The following HADHA variants were observed in gnomAD, a reference collection of about 807,000 sequenced individuals.
HADHA encodes trifunctional enzyme subunit alpha, mitochondrial.
In HADHA, 59 loss-of-function variants were observed where a neutral mutation model predicts 91.3. That is an observed-to-expected ratio of 0.65 (90% CI 0.52 to 0.80). The LOEUF is 0.80. Ranked by LOEUF, HADHA falls within the 30% of genes least tolerant of loss-of-function variation. The pLI is 0.00. For missense variants in HADHA, 800 were observed against 927.6 expected, an observed-to-expected ratio of 0.86 and a Z score of 1.79; for synonymous variants, 320 against 338.9, an observed-to-expected ratio of 0.94 and a Z score of 0.61.
In HADHA at chr2:26,236,950, T is replaced by G. The variant is rs1360553047; in HGVS notation, c.219A>C (p.Ser73=). The change falls in exon 4 of 20, where the codon TCA becomes TCC. Residue 73 remains serine, a synonymous_variant. Transcript: ENST00000380649. ...TLSKELHSEF[S]EVMNEIWASD... is the part of the protein sequence containing the mutation. ...TAGCCCAGATTTCATTCATAACTTCTGAGAACTCTGAATGTAGCTCTTTAC... is the reference window on the plus strand; with the variant it reads ...TAGCCCAGATTTCATTCATAACTTCGGAGAACTCTGAATGTAGCTCTTTAC... The G allele has an allele frequency of 6.2e-7, 1 of 1,605,196 alleles. No individual in the cohort carries two copies. Among genetic ancestry groups the G allele is most frequent in the Admixed American group, 1.7e-5 (1 of 60,012 alleles).
chr2:26,216,317 A>AT (rs11406704), intron 7 of HADHA, among the ~76,000 whole-genome samples: 78,139 of 110,180 alleles, frequency 0.71, 28,765 homozygotes, highest in Non-Finnish European at 0.77. Context: ...CATTTGACCT[A>AT]TTTTTTTTTT....
chr2:26,193,412 T>C (rs928438006), intron 17 of HADHA, among the ~76,000 whole-genome samples, 165 bp downstream of exon 17: 1 of 151,466 alleles, frequency 6.6e-6, no homozygotes, highest in South Asian at 2.1e-4. Context: ...CATAAGTGGT[T>C]GCTACCGCAC....
At chr2:26,194,177 C>T (rs1450143470) in intron 16 of HADHA, among the ~76,000 whole-genome samples, 2 of 152,200 alleles carry the variant, frequency 1.3e-5, no homozygotes, top group Non-Finnish European at 2.9e-5. Context: ...GATCCCTCTC[C>T]TTTCCTGCCA....
At chr2:26,211,646 G>A (rs1230154841) in intron 10 of HADHA, among the ~76,000 whole-genome samples, 2 of 152,136 alleles carry the variant, frequency 1.3e-5, no homozygotes, top group Admixed American at 6.5e-5. Context: ...AATCTGAAAT[G>A]TTTCTAGTCC....
In HADHA at chr2:26,232,279, C is replaced by G. The variant is rs776259968; in HGVS notation, c.454G>C (p.Val152Leu). 1 of 1,595,318 alleles carries G rather than the reference C, an allele frequency of 6.3e-7. No individual in the cohort carries two copies. Among genetic ancestry groups the G allele is most frequent in the Non-Finnish European group, 8.6e-7 (1 of 1,163,094 alleles). Residue 152 changes from valine (V) to leucine (L), a missense_variant and splice_region_variant, in exon 6 of 20, where the codon GTT (valine) becomes CTT (leucine). Coordinates refer to ENST00000380649, the MANE Select transcript of HADHA (RefSeq NM_000182.5). The part of the protein sequence containing the change: ...NGSCLGGGLE[V>L]AISCQYRIAT... Reference sequence around the variant, plus strand: ...ATTCTGTATTGGCATGAAATGGCAACCTTTGAACAAATGAAAGAAAATTAG... The same window carrying G: ...ATTCTGTATTGGCATGAAATGGCAAGCTTTGAACAAATGAAAGAAAATTAG...
chr2:26,232,733 CTTAA>C (rs1670652103), intron 5 of HADHA, among the ~76,000 whole-genome samples: 1 of 152,118 alleles, frequency 6.6e-6, no homozygotes, highest in South Asian at 2.1e-4. Flanking sequence ...CACAGGTTTT[CTTAA>C]TTAATATAGT....
intron 13 of HADHA, 105 bp from the exon 14 acceptor site, chr2:26,197,882 C>G (rs1669721270): frequency 6.7e-6 from 5 of 750,156 alleles, no homozygotes; most frequent in Admixed American, 1.8e-5. Context: ...ACTCTGTCCC[C>G]CACAACTGCT....
intron 11 of HADHA, among the ~76,000 whole-genome samples, chr2:26,205,923 A>G (rs1296122996): frequency 2.0e-5 from 3 of 152,184 alleles, no homozygotes; most frequent in Middle Eastern, 6.3e-3. Flanking sequence ...GAACATGCAT[A>G]TATCAATTTA....
At chr2:26,234,393 T>C (rs756166838) in intron 4 of HADHA, 38 bp from the exon 5 acceptor site, 7 of 1,579,486 alleles carry the variant, frequency 4.4e-6, no homozygotes, top group African/African-American at 1.3e-5. Context: ...GAGAAAAAGA[T>C]AAAACTATAA....
intron 12 of HADHA, among the ~76,000 whole-genome samples, chr2:26,201,686 C>T (rs1669839253): frequency 6.6e-6 from 1 of 152,174 alleles, no homozygotes; most frequent in Non-Finnish European, 1.5e-5. Context: ...TCTGGTAATT[C>T]TCTACCTATG....
chr2:26,192,070 G>A (rs1036201604), intron 18 of HADHA, among the ~76,000 whole-genome samples: 2 of 152,206 alleles, frequency 1.3e-5, no homozygotes, highest in African/African-American at 4.8e-5. Flanking sequence ...GAGCACGTGC[G>A]AGGGCCTTCC....
intron 11 of HADHA, among the ~76,000 whole-genome samples, chr2:26,206,881 G>A (rs1669983633): frequency 6.6e-6 from 1 of 152,102 alleles, no homozygotes; most frequent in Non-Finnish European, 1.5e-5. Flanking sequence ...CCATACAGAA[G>A]GATTCCTTTT....
Position 26,219,139 on chromosome 2 carries a change from A to T in HADHA, c.677-3964T>A, listed in dbSNP as rs890464417. On this transcript the variant is annotated intron_variant, in intron 7 of 19. Coordinates refer to ENST00000380649, the MANE Select transcript of HADHA (RefSeq NM_000182.5). ...AGTAATGAAGACAAAAAATATATAT[A>T]TTTTTTTGAGATGGAGTCTCGCTCT... is the stretch of plus-strand genomic sequence containing the variant. Among the ~76,000 whole-genome samples, 18 of 151,234 alleles carry T rather than the reference A, an allele frequency of 1.2e-4. No homozygotes were observed. In the East Asian group the frequency reaches 1.8e-3, roughly 15 times the overall value.
chr2:26,220,075 A>AT (rs1185683072), intron 7 of HADHA, among the ~76,000 whole-genome samples: 1 of 152,130 alleles, frequency 6.6e-6, no homozygotes, highest in African/African-American at 2.4e-5. Context: ...GGAAACAATG[A>AT]TTTTTTGGGG....
chr2:26,203,996 AC>A (rs1400945773), intron 12 of HADHA, 65 bp downstream of exon 12: 2 of 1,539,726 alleles, frequency 1.3e-6, no homozygotes, highest in Non-Finnish European at 1.8e-6. Context: ...CCAAGCCACC[AC>A]AAAAAACAAC....
At chr2:26,232,831 C>T (rs1047490304) in intron 5 of HADHA, among the ~76,000 whole-genome samples, 1 of 152,164 alleles carries the variant, frequency 6.6e-6, no homozygotes, top group African/African-American at 2.4e-5. Flanking sequence ...GCAGAGTGTA[C>T]TTACACAAAC....
intron 6 of HADHA, among the ~76,000 whole-genome samples, chr2:26,231,048 A>G (rs866278768): frequency 1.5e-4 from 23 of 152,278 alleles, no homozygotes; most frequent in South Asian, 1.2e-3. Context: ...GGCTGCTTAT[A>G]TGGCATACTA....
At chr2:26,218,530 TAAA>T (rs1300395151) in intron 7 of HADHA, among the ~76,000 whole-genome samples, 1 of 152,118 alleles carries the variant, frequency 6.6e-6, no homozygotes, top group African/African-American at 2.4e-5. Flanking sequence ...TGGGCAACTA[TAAA>T]AAAGATCTTT....
chr2:26,205,056 T>C (rs567927338), intron 11 of HADHA, among the ~76,000 whole-genome samples: 1 of 152,328 alleles, frequency 6.6e-6, no homozygotes, highest in Non-Finnish European at 1.5e-5. Context: ...CAGGACGACT[T>C]GATTTACCCC....
Sources: gnomAD v4.1 joint callset for allele counts (sites outside exome capture counted in the v4.1 genomes callset) on GRCh38, gnomAD v4.1.1 for gene constraint, MANE v1.5 for transcripts, NCBI Gene and HGNC (gene_info 2026-07-23, HGNC 2026-07-21) for gene names.